BCAS3: variants seen among roughly 807,000 people sequenced by gnomAD.
The protein encoded by BCAS3 is BCAS4/BCAS3 fusion.
BCAS3 carries 53 observed loss-of-function variants against 116.1 expected under a neutral mutation model. The ratio of observed to expected loss-of-function variants is 0.46; its 90% CI spans 0.37 to 0.57. BCAS3 has a LOEUF of 0.57. BCAS3 is among the 20% of genes least tolerant of loss of function. The probability of loss-of-function intolerance (pLI) is 0.00; values close to 1 mark genes in which losing one functional copy is unlikely to be tolerated. For missense variants in BCAS3, 917 were observed against 1,165.4 expected, an observed-to-expected ratio of 0.79 and a Z score of 3.10; for synonymous variants, 391 against 408.2, an observed-to-expected ratio of 0.96 and a Z score of 0.51.
chr17:61,019,360 G>A lies in BCAS3; in HGVS notation c.1637+3459G>A, dbSNP rs1053411494. On this transcript the variant is annotated intron_variant, in intron 16 of 23. Transcript: ENST00000407086. This position sits in a 1 kb window ranked among gnomAD's most constrained non-coding sequence, Gnocchi z 5.6. ...CCTGGTGCCAAAAAGGTTGGGGATC[G>A]CTCCTTAAGCCACTCTCTGAAGAGT... 5.9e-5 allele frequency among the ~76,000 whole-genome samples: 9 copies of A among 152,100 alleles called. No individual in the cohort carries two copies. The highest frequency in any genetic ancestry group is 8.8e-5 in the Non-Finnish European group (6 of 68,008).
chr17:60,722,170 A>G (rs1018264302), intron 5 of BCAS3, among the ~76,000 whole-genome samples: 4 of 152,138 alleles, frequency 2.6e-5, no homozygotes, highest in Non-Finnish European at 5.9e-5. Flanking sequence ...ATTCTTATAT[A>G]TGGTAATTTT....
chr17:61,295,263 A>G (rs917532), intron 22 of BCAS3, among the ~76,000 whole-genome samples: 82,419 of 152,078 alleles, frequency 0.54, 25,220 homozygotes, highest in Admixed American at 0.71. Flanking sequence ...CTGGGCAGCA[A>G]CGCTTTTCAT....
chr17:60,774,639 A>G (rs1269905333), intron 6 of BCAS3, among the ~76,000 whole-genome samples: 1 of 152,186 alleles, frequency 6.6e-6, no homozygotes, highest in Non-Finnish European at 1.5e-5. Flanking sequence ...ACTCTTTGTT[A>G]GGTATTCCTA....
At chr17:60,812,123 T>C (rs1158717007) in intron 7 of BCAS3, among the ~76,000 whole-genome samples, 6 of 152,184 alleles carry the variant, frequency 3.9e-5, no homozygotes, top group Non-Finnish European at 8.8e-5. Context: ...TATGTCTTGT[T>C]GTTAAGTTTT....
rs796576794 is a variant in BCAS3, at chr17:61,186,460, T to C, written c.2425+101896T>C. ...GTTTTCAGTGGTATACACATGTCAATTTATGCTGCGTAACTCAGAGCCTGC... is the reference window on the plus strand; with the variant it reads ...GTTTTCAGTGGTATACACATGTCAACTTATGCTGCGTAACTCAGAGCCTGC... On this transcript the variant is annotated intron_variant, in intron 22 of 23. Coordinates refer to ENST00000407086, the MANE Select transcript of BCAS3 (RefSeq NM_017679.5). This position sits in a 1 kb window ranked among gnomAD's most constrained non-coding sequence, Gnocchi z 4.9. Among the ~76,000 whole-genome samples the C allele has an allele frequency of 6.6e-6, 1 of 152,248 alleles. No homozygotes were observed. The highest frequency in any genetic ancestry group is 2.4e-5 in the African/African-American group (1 of 41,474).
In BCAS3 at chr17:61,162,460, A is replaced by G. The variant is rs1418533062; in HGVS notation, c.2425+77896A>G. 2.0e-5 allele frequency among the ~76,000 whole-genome samples: 3 copies of G among 152,216 alleles called. No homozygotes were observed. Among genetic ancestry groups the G allele is most frequent in the Non-Finnish European group, 4.4e-5 (3 of 68,046 alleles). On this transcript the variant is annotated intron_variant, in intron 22 of 23. Transcript: ENST00000407086. The surrounding 1 kb of genome is among the most constrained non-coding windows in gnomAD (Gnocchi z 5.6). ...ATAGATATAGAGAAAGGACAGGTAT[A>G]TACATCGTATTTTATTTGAAGGTAT...
chr17:61,022,818 T>C (rs1219152919), intron 16 of BCAS3, among the ~76,000 whole-genome samples: 1 of 151,938 alleles, frequency 6.6e-6, no homozygotes, highest in Non-Finnish European at 1.5e-5. Flanking sequence ...TTTTAAAATG[T>C]TGTGAAGAGA....
rs1394359953 is a variant in BCAS3, at chr17:61,204,455, C to T, written c.2425+119891C>T. Among the ~76,000 whole-genome samples the T allele has an allele frequency of 6.6e-6, 1 of 152,086 alleles. No individual in the cohort carries two copies. The highest frequency in any genetic ancestry group is 1.5e-5 in the Non-Finnish European group (1 of 68,022). ...TTTCCCACATTCATATTTGACTGCG[C>T]ATTATGTGAAAAATTGAATTTGGGA... On this transcript the variant is annotated intron_variant, in intron 22 of 23. Transcript: ENST00000407086. This position sits in a 1 kb window ranked among gnomAD's most constrained non-coding sequence, Gnocchi z 4.2.
At position 61,368,331 on chromosome 17, in the gene BCAS3, CT is replaced by C; in HGVS notation, c.2433del (p.Phe811LeufsTer5). On this transcript the variant is annotated frameshift_variant, in exon 23 of 24. Transcript: ENST00000407086. LOFTEE classifies it high-confidence loss of function. The surrounding 1 kb of genome is among the most constrained non-coding windows in gnomAD (Gnocchi z 6.0). ...STVIDAASGT[F>X]DRSVTLLEVC... is the part of the protein sequence containing the mutation. ...GATGTCCCGTGTGTGCCACAGGTAC[CT>C]TTGACAGGAGCGTGACCCTGCTGGA... 1 of 1,593,786 alleles carries C rather than the reference CT, an allele frequency of 6.3e-7. No individual in the cohort carries two copies.
At chr17:60,949,262 G>A (rs921782281) in intron 14 of BCAS3, among the ~76,000 whole-genome samples, 2 of 151,726 alleles carry the variant, frequency 1.3e-5, no homozygotes, top group South Asian at 4.2e-4. Flanking sequence ...ATTATTAGTA[G>A]TAGTAGTATT....
Position 61,228,964 on chromosome 17 carries a change from G to A in BCAS3, c.2426-139363G>A, listed in dbSNP as rs575850767. ...TGCAGCAGTTAGCCGAGTTGTTAAT[G>A]TAAAGGAAAAGTTCTTGAAGGGAAT... On this transcript the variant is annotated intron_variant, in intron 22 of 23. Coordinates refer to ENST00000407086, the MANE Select transcript of BCAS3 (RefSeq NM_017679.5). The surrounding 1 kb of genome is among the most constrained non-coding windows in gnomAD (Gnocchi z 5.0). Among the ~76,000 whole-genome samples the A allele has an allele frequency of 1.3e-4, 20 of 151,046 alleles. No individual in the cohort carries two copies. In the South Asian group the frequency reaches 3.4e-3, roughly 26 times the overall value.
intron 22 of BCAS3, among the ~76,000 whole-genome samples, chr17:61,255,753 A>T (rs1238934213): frequency 6.6e-6 from 1 of 152,190 alleles, no homozygotes; most frequent in African/African-American, 2.4e-5. Flanking sequence ...AGGGTTCCGG[A>T]TGTAGCTGCT....
At position 61,013,829 on chromosome 17, in the gene BCAS3, G is replaced by A. The variant is rs1282829886; in HGVS notation, c.1487-1922G>A. Among the ~76,000 whole-genome samples the A allele has an allele frequency of 2.0e-5, 3 of 152,050 alleles. No homozygotes were observed. Among genetic ancestry groups the A allele is most frequent in the African/African-American group, 7.2e-5 (3 of 41,432 alleles). On this transcript the variant is annotated intron_variant, in intron 15 of 23. Coordinates refer to ENST00000407086, the MANE Select transcript of BCAS3 (RefSeq NM_017679.5). This position sits in a 1 kb window ranked among gnomAD's most constrained non-coding sequence, Gnocchi z 4.4. ...GTGTCCAAGGAAGAAGTAACATTTG[G>A]TTAAGCCACTATCCTAATTCTGAAG...
At chr17:61,297,788 C>T (rs958603272) in intron 22 of BCAS3, among the ~76,000 whole-genome samples, 2 of 152,214 alleles carry the variant, frequency 1.3e-5, no homozygotes, top group African/African-American at 4.8e-5. Context: ...TTCTACCTAA[C>T]AGCTATGCTC....
intron 6 of BCAS3, among the ~76,000 whole-genome samples, chr17:60,758,033 C>A (rs533743269): frequency 1.3e-5 from 2 of 152,138 alleles, no homozygotes; most frequent in East Asian, 3.9e-4. Flanking sequence ...TGTGTATATT[C>A]TTGGAGTCTT....
chr17:60,804,967 C>T (rs1181114672), intron 6 of BCAS3, among the ~76,000 whole-genome samples: 3 of 147,292 alleles, frequency 2.0e-5, no homozygotes, highest in Admixed American at 1.4e-4. Context: ...ATTTGAGTGT[C>T]GGGTTTTTTT....
chr17:60,739,448 T>C (rs2041309807), intron 5 of BCAS3, among the ~76,000 whole-genome samples: 1 of 152,054 alleles, frequency 6.6e-6, no homozygotes, highest in Non-Finnish European at 1.5e-5. Context: ...GGTAAAACCC[T>C]GTCTCTACTA....
chr17:61,016,038 T>A, intron 16 of BCAS3, 137 bp downstream of exon 16: 1 of 929,072 alleles, frequency 1.1e-6, no homozygotes, highest in Non-Finnish European at 1.6e-6. Flanking sequence ...TGGCATCAGA[T>A]TAAGTACAAA....
At chr17:61,070,366 AATATATATAT>A (rs55736464) in intron 19 of BCAS3, 3,889 of 313,994 alleles carry the variant, frequency 0.012, 151 homozygotes, top group African/African-American at 0.025. Flanking sequence ...CCTAATTCTG[AATATATATAT>A]ATATATATAT....
Sources: allele counts gnomAD v4.1 joint callset (sites outside exome capture counted in the v4.1 genomes callset), GRCh38; gene constraint gnomAD v4.1.1; non-coding constraint Gnocchi (gnomAD v3.1); transcripts MANE v1.5; gene names NCBI Gene and HGNC (gene_info 2026-07-23, HGNC 2026-07-21).